ABHD5: variants seen among roughly 807,000 people sequenced by gnomAD.
The protein encoded by ABHD5 is abhydrolase domain containing 5, lysophosphatidic acid acyltransferase, also known as 1-acylglycerol-3-phosphate O-acyltransferase ABHD5.
A neutral mutation model predicts 44.9 loss-of-function variants in ABHD5; 30 were observed. The observed-to-expected ratio is 0.67, with a 90% CI of 0.50 to 0.91. ABHD5 has a LOEUF of 0.91. ABHD5 is among the 40% of genes least tolerant of loss of function. The pLI is 0.00. For missense variants in ABHD5, 399 were observed against 423.4 expected (o/e 0.94, Z 0.50); for synonymous variants, 167 against 147.0 (o/e 1.14, Z -0.99).
intron 3 of ABHD5, among the ~76,000 whole-genome samples, chr3:43,708,079 G>A (rs2084644876): frequency 6.6e-6 from 1 of 152,202 alleles, no homozygotes. Flanking sequence ...TTGCCCTTAA[G>A]GATGTACTCT....
chr3:43,724,036 A>G (rs1426196657), downstream of ABHD5, among the ~76,000 whole-genome samples: 2 of 152,206 alleles, frequency 1.3e-5, no homozygotes, highest in Non-Finnish European at 2.9e-5. Context: ...TTGTCAGAAA[A>G]TAGATAAAAT....
chr3:43,723,091 C>T (rs1030100020), downstream of ABHD5, among the ~76,000 whole-genome samples: 1 of 152,092 alleles, frequency 6.6e-6, no homozygotes, highest in Non-Finnish European at 1.5e-5. Flanking sequence ...CAGGAGCTAA[C>T]TTGAAGGGGT....
chr3:43,706,804 T>A (rs2084625912), intron 3 of ABHD5, among the ~76,000 whole-genome samples: 1 of 152,226 alleles, frequency 6.6e-6, no homozygotes. Context: ...TCTTTATTTT[T>A]TTCTTTTAAG....
At chr3:43,696,148 C>T (rs1410957075) in intron 1 of ABHD5, among the ~76,000 whole-genome samples, 1 of 152,114 alleles carries the variant, frequency 6.6e-6, no homozygotes, top group East Asian at 1.9e-4. Flanking sequence ...AGCTATAGTT[C>T]CTGTGGTGAA....
In ABHD5 at chr3:43,702,597, G is replaced by A; in HGVS notation, c.506+10G>A. 1.2e-6 allele frequency: 2 copies of A among 1,614,114 alleles called. No individual in the cohort carries two copies. The highest frequency in any genetic ancestry group is 8.5e-7 in the Non-Finnish European group (1 of 1,179,986). On this transcript the variant is annotated intron_variant, in intron 3 of 6. Transcript: ENST00000644371. Reference sequence around the variant, plus strand: ...TGAAGTACCCATCAAGGTAAGTGGTGGTGACAGAAGAGAGGGATTATAACT... The same window carrying A: ...TGAAGTACCCATCAAGGTAAGTGGTAGTGACAGAAGAGAGGGATTATAACT...
rs886058488 is a variant in ABHD5, at chr3:43,717,803, C to A, written c.906C>A (p.Gly302=). The change falls in exon 6 of 7, where the codon GGC becomes GGA. Residue 302 remains glycine, a synonymous_variant. Coordinates refer to ENST00000644371, the MANE Select transcript of ABHD5 (RefSeq NM_016006.6). ...TTGGCGCCCGATCCTGCATAGATGG[C>A]AATTCTGGCACCAGCATCCAGTCCT... ...VIFGARSCID[G]NSGTSIQSLR... is the part of the protein sequence containing the mutation. The A allele has an allele frequency of 9.9e-6, 16 of 1,614,200 alleles. No individual in the cohort carries two copies. The highest frequency in any genetic ancestry group is 1.2e-5 in the Non-Finnish European group (14 of 1,180,028).
chr3:43,697,366 C>T (rs1193413907), intron 1 of ABHD5, among the ~76,000 whole-genome samples: 1 of 151,956 alleles, frequency 6.6e-6, no homozygotes, highest in African/African-American at 2.4e-5. Context: ...ACCTCTGATT[C>T]TCTCTGGCAA....
At chr3:43,692,007 G>A (rs1455474174) in intron 1 of ABHD5, among the ~76,000 whole-genome samples, 1 of 152,242 alleles carries the variant, frequency 6.6e-6, no homozygotes, top group Non-Finnish European at 1.5e-5. Context: ...TAGAAGAATA[G>A]TAGTTAATGA....
At chr3:43,698,626 T>A (rs1352707088) in intron 1 of ABHD5, among the ~76,000 whole-genome samples, 1 of 152,220 alleles carries the variant, frequency 6.6e-6, no homozygotes, top group Non-Finnish European at 1.5e-5. Context: ...TTTGTTGTGC[T>A]GTCTTCTGAT....
rs979687304 is a variant in ABHD5 at position 43,722,242 on chromosome 3, C to T, written c.*3710C>T. 6.6e-6 allele frequency: 1 copy of T among 152,204 alleles called. No homozygotes were observed. Among genetic ancestry groups the T allele is most frequent in the African/African-American group, 2.4e-5 (1 of 41,438 alleles). 9.4% of individuals were successfully genotyped at this position (152,204 alleles called of 1,614,324 possible). A position where few individuals can be genotyped will look rare whatever the true frequency, so the allele number is the denominator to read the frequency against. The stretch of plus-strand genomic sequence containing the variant: ...GGTATATCTATACAATGGGATACTA[C>T]ACAGCTGTAGAAAGGACTGCGAACT... On this transcript the variant is annotated 3_prime_UTR_variant, in exon 7 of 7. Coordinates refer to ENST00000644371, the MANE Select transcript of ABHD5 (RefSeq NM_016006.6).
Position 43,720,234 on chromosome 3 carries a change from A to G in ABHD5, c.*1702A>G, listed in dbSNP as rs1439305654. On this transcript the variant is annotated 3_prime_UTR_variant, in exon 7 of 7. Transcript: ENST00000644371. ...ATGTGGTACAAATAATTTGGGTAAT[A>G]TTTTTGTATTTTTGTTTTACACACT... is the stretch of plus-strand genomic sequence containing the variant. 1 of 152,128 alleles carries G rather than the reference A, an allele frequency of 6.6e-6. No individual in the cohort carries two copies. The highest frequency in any genetic ancestry group is 6.6e-5 in the Admixed American group (1 of 15,256). 9.4% of individuals were successfully genotyped at this position (152,128 alleles called of 1,614,324 possible). A position where few individuals can be genotyped will look rare whatever the true frequency, so the allele number is the denominator to read the frequency against.
In ABHD5 at chr3:43,721,990, C is replaced by T. The variant is rs1281823784; in HGVS notation, c.*3458C>T. On this transcript the variant is annotated 3_prime_UTR_variant, in exon 7 of 7. Transcript: ENST00000644371. The stretch of plus-strand genomic sequence containing the variant: ...TCTGTTGAGACAATAGGGAAACAGG[C>T]ACTCCAAAAATTACAAATCCCTGTG... 1.3e-5 allele frequency: 2 copies of T among 152,200 alleles called. No homozygotes were observed. The highest frequency in any genetic ancestry group is 6.5e-5 in the Admixed American group (1 of 15,280). 9.4% of individuals were successfully genotyped at this position (152,200 alleles called of 1,614,324 possible).
intron 4 of ABHD5, among the ~76,000 whole-genome samples, chr3:43,714,136 TC>T (rs1311087547): frequency 2.9e-4 from 43 of 147,658 alleles, no homozygotes; most frequent in African/African-American, 9.4e-4. Flanking sequence ...TTTCTTTTTT[TC>T]TTTTTTTTTT....
In ABHD5 at chr3:43,702,583, T is replaced by C; in HGVS notation, c.502T>C (p.Ser168Pro). The change falls in exon 3 of 7, where the codon TCA (serine) becomes CCA (proline). Residue 168 changes from serine to proline, a missense_variant. By Grantham distance (74) the Ser-to-Pro change is moderately conservative (BLOSUM62 -1). Coordinates refer to ENST00000644371, the MANE Select transcript of ABHD5 (RefSeq NM_016006.6). ...LAAAYSLKYPSRVNHLILVEP... is the reference protein window; with the variant it reads ...LAAAYSLKYPPRVNHLILVEP... ...TGCTGCTTACTCGCTGAAGTACCCA[T>C]CAAGGTAAGTGGTGGTGACAGAAGA... The C allele has an allele frequency of 6.2e-7, 1 of 1,614,156 alleles. No homozygotes were observed. Among genetic ancestry groups the C allele is most frequent in the Non-Finnish European group, 8.5e-7 (1 of 1,180,014 alleles).
intron 7 of ABHD5, among the ~76,000 whole-genome samples, chr3:43,729,538 A>C (rs1425093629): frequency 2.6e-5 from 4 of 152,248 alleles, no homozygotes; most frequent in Non-Finnish European, 4.4e-5. Flanking sequence ...ATGAGTAGTC[A>C]GGAAAATATT....
At position 43,717,774 on chromosome 3, in the gene ABHD5, A is replaced by T. The variant is rs1277664959; in HGVS notation, c.877A>T (p.Ile293Phe). 6.2e-7 allele frequency: 1 copy of T among 1,614,206 alleles called. No homozygotes were observed. Among genetic ancestry groups the T allele is most frequent in the Non-Finnish European group, 8.5e-7 (1 of 1,180,040 alleles). ...GCACCCTGACATTCCAGTTTCAGTG[A>T]TCTTTGGCGCCCGATCCTGCATAGA... ...KMHPDIPVSVIFGARSCIDGN... is the reference protein window; with the variant it reads ...KMHPDIPVSVFFGARSCIDGN... Residue 293 changes from isoleucine to phenylalanine, a missense_variant, in exon 6 of 7, where the codon ATC becomes TTC. Ile to Phe is a conservative substitution (Grantham distance 21). Coordinates refer to ENST00000644371, the MANE Select transcript of ABHD5 (RefSeq NM_016006.6).
At chr3:43,705,404 G>C (rs1488562493) in intron 3 of ABHD5, among the ~76,000 whole-genome samples, 1 of 152,148 alleles carries the variant, frequency 6.6e-6, no homozygotes, top group Non-Finnish European at 1.5e-5. Flanking sequence ...AGATCATTCT[G>C]TGTGTATGTG....
At chr3:43,731,051 A>G (rs987446856) in intron 7 of ABHD5, among the ~76,000 whole-genome samples, 3 of 151,472 alleles carry the variant, frequency 2.0e-5, no homozygotes, top group African/African-American at 7.3e-5. Context: ...GGTGGTCTCG[A>G]TCTCCTGACC....
chr3:43,703,211 G>A (rs953916555), intron 3 of ABHD5, among the ~76,000 whole-genome samples: 1 of 147,852 alleles, frequency 6.8e-6, no homozygotes, highest in Non-Finnish European at 1.5e-5. Context: ...ATAGAAGCTC[G>A]CTCTGTCACC....
Sources: gnomAD v4.1 joint callset for allele counts (sites outside exome capture counted in the v4.1 genomes callset) on GRCh38, gnomAD v4.1.1 for gene constraint, MANE v1.5 for transcripts, NCBI Gene and HGNC (gene_info 2026-07-23, HGNC 2026-07-21) for gene names.